CTIF: variants seen among roughly 807,000 people sequenced by gnomAD.
CTIF encodes the protein CBP80/20-dependent translation initiation factor.
In CTIF, 21 loss-of-function variants were observed where a neutral mutation model predicts 66.0. The ratio of observed to expected loss-of-function variants is 0.32; its 90% confidence interval spans 0.23 to 0.46. The LOEUF is 0.46. Ranked by LOEUF, CTIF falls within the 20% of genes least tolerant of loss-of-function variation. The pLI is 1.00. For synonymous variants in CTIF, 345 were observed against 326.4 expected, an observed-to-expected ratio of 1.06 and a Z score of -0.62; for missense variants, 739 against 812.7, an observed-to-expected ratio of 0.91 and a Z score of 1.10.
intron 10 of CTIF, among the ~76,000 whole-genome samples, chr18:48,828,251 C>A (rs745740358): frequency 1.3e-5 from 2 of 152,144 alleles, no homozygotes; most frequent in Non-Finnish European, 2.9e-5. Context: ...GATTTCTAAA[C>A]CAATCTCAAC....
At chr18:48,720,565 C>G (rs944588895) in intron 7 of CTIF, among the ~76,000 whole-genome samples, 2 of 152,160 alleles carry the variant, frequency 1.3e-5, no homozygotes, top group African/African-American at 2.4e-5. Context: ...ACCTGGCAGG[C>G]AGCCCTGTCA....
At chr18:48,559,218 GTTGT>G (rs1031707140) in intron 1 of CTIF, among the ~76,000 whole-genome samples, 15 of 64,796 alleles carry the variant, frequency 2.3e-4, no homozygotes, top group Non-Finnish European at 4.8e-4. Flanking sequence ...AAAGTTTGTT[GTTGT>G]TTTTTTTTTT....
intron 2 of CTIF, among the ~76,000 whole-genome samples, chr18:48,627,227 AAATAT>A (rs1468681103): frequency 1.3e-5 from 2 of 152,172 alleles, no homozygotes; most frequent in South Asian, 2.1e-4. Flanking sequence ...CTAGGTGGTA[AAATAT>A]AATAGAATGA....
intron 2 of CTIF, among the ~76,000 whole-genome samples, chr18:48,633,905 A>G (rs964654685): frequency 5.9e-5 from 9 of 152,216 alleles, no homozygotes; most frequent in African/African-American, 1.4e-4. Context: ...TGAACACCTT[A>G]CATAACTATA....
chr18:48,682,076 G>T (rs763157617), intron 6 of CTIF, among the ~76,000 whole-genome samples: 1 of 151,740 alleles, frequency 6.6e-6, no homozygotes, highest in African/African-American at 2.4e-5. Flanking sequence ...GTGAGCCACC[G>T]TGCCCAGCCC....
At chr18:48,583,803 T>G (rs559710609) in intron 1 of CTIF, among the ~76,000 whole-genome samples, 1 of 152,264 alleles carries the variant, frequency 6.6e-6, no homozygotes, top group East Asian at 1.9e-4. Flanking sequence ...ATGTCATGTC[T>G]GGGGAAAGCA....
intron 7 of CTIF, among the ~76,000 whole-genome samples, chr18:48,724,584 C>A (rs1055247311): frequency 6.6e-6 from 1 of 152,186 alleles, no homozygotes; most frequent in Non-Finnish European, 1.5e-5. Context: ...TATTCATGGC[C>A]TCATTCATCC....
At chr18:48,570,449 C>A (rs2089389115) in intron 1 of CTIF, among the ~76,000 whole-genome samples, 1 of 152,184 alleles carries the variant, frequency 6.6e-6, no homozygotes, top group Admixed American at 6.5e-5. Flanking sequence ...TCCCTCTGGT[C>A]AGAGAGAGCC....
At chr18:48,696,209 T>C (rs895371274) in intron 6 of CTIF, among the ~76,000 whole-genome samples, 3 of 152,132 alleles carry the variant, frequency 2.0e-5, no homozygotes, top group African/African-American at 7.2e-5. Flanking sequence ...GTCCCTGGAG[T>C]CCCCTAGTCT....
intron 9 of CTIF, among the ~76,000 whole-genome samples, chr18:48,802,263 T>G (rs1340616445): frequency 6.6e-6 from 1 of 152,222 alleles, no homozygotes; most frequent in East Asian, 1.9e-4. Context: ...GAGCTTCATG[T>G]CATGGATAAG....
chr18:48,619,744 A>G lies in CTIF; in HGVS notation c.179A>G (p.Gln60Arg). The change falls in exon 2 of 12, where the codon CAG (glutamine) becomes CGG (arginine). Residue 60 changes from glutamine to arginine, a missense_variant and splice_region_variant. Physicochemically the swap from Gln to Arg is conservative, Grantham distance 43. Transcript: ENST00000256413. ...ESERTQSHIS[Q>R]WTADCSEPLD... The stretch of plus-strand genomic sequence containing the variant: ...GAGAGGACCCAGTCCCACATCTCCC[A>G]GGTGAGCGCGGGCCCGGGGTTGGGG... The G allele has an allele frequency of 6.3e-7, 1 of 1,585,070 alleles. No individual in the cohort carries two copies. Among genetic ancestry groups the G allele is most frequent in the Non-Finnish European group, 8.6e-7 (1 of 1,165,680 alleles).
intron 1 of CTIF, among the ~76,000 whole-genome samples, chr18:48,573,779 G>A (rs2089471675): frequency 6.6e-6 from 1 of 152,198 alleles, no homozygotes; most frequent in South Asian, 2.1e-4. Flanking sequence ...CACCCACGCT[G>A]GCCATTCGCA....
rs140977523 is a variant in CTIF at position 48,613,358 on chromosome 18, A to G, written c.-28-6180A>G. 7.0e-4 allele frequency among the ~76,000 whole-genome samples: 107 copies of G among 152,228 alleles called. 1 individual carries two copies. The East Asian group carries it at 0.015, about 22-fold the overall frequency. ...TAGAGGGAGAGACTGGCAACCGACC[A>G]TCTCAGGCTGCCCCACGGTGTTCAC... On this transcript the variant is annotated intron_variant, in intron 1 of 11. Transcript: ENST00000256413.
At chr18:48,560,274 C>T (rs1276298501) in intron 1 of CTIF, among the ~76,000 whole-genome samples, 5 of 150,426 alleles carry the variant, frequency 3.3e-5, no homozygotes, top group Admixed American at 2.7e-4. Flanking sequence ...TTGCCCAGGC[C>T]GGAGTGAAGT....
intron 7 of CTIF, among the ~76,000 whole-genome samples, chr18:48,744,896 C>T (rs906433524): frequency 6.6e-6 from 1 of 151,276 alleles, no homozygotes; most frequent in Admixed American, 6.6e-5. Context: ...AATCTTGGCT[C>T]ACTGCAAGCT....
At chr18:48,852,261 A>T (rs2069221822) in intron 10 of CTIF, among the ~76,000 whole-genome samples, 1 of 140,202 alleles carries the variant, frequency 7.1e-6, no homozygotes, top group Admixed American at 7.2e-5. Context: ...AAAAAAAAAA[A>T]AGTTCCAGCA....
chr18:48,700,339 C>G (rs1374698470), intron 6 of CTIF, among the ~76,000 whole-genome samples: 2 of 152,224 alleles, frequency 1.3e-5, no homozygotes, highest in Non-Finnish European at 2.9e-5. Flanking sequence ...ATAAATTACC[C>G]AGTCTCAAGT....
At chr18:48,767,988 A>C (rs190747671) in intron 9 of CTIF, among the ~76,000 whole-genome samples, 2 of 152,106 alleles carry the variant, frequency 1.3e-5, no homozygotes, top group African/African-American at 4.8e-5. Context: ...TATCTTACCC[A>C]TACCTCATCC....
intron 10 of CTIF, among the ~76,000 whole-genome samples, chr18:48,850,047 C>T (rs754709177): frequency 3.3e-5 from 5 of 152,210 alleles, no homozygotes; most frequent in Non-Finnish European, 7.3e-5. Context: ...TCCTGGCACC[C>T]ACCATTCTGC....
Sources: allele counts gnomAD v4.1 joint callset (sites outside exome capture counted in the v4.1 genomes callset), GRCh38; gene constraint gnomAD v4.1.1; transcripts MANE v1.5; gene names NCBI Gene and HGNC (gene_info 2026-07-23, HGNC 2026-07-21).